Variants in PCDH9 observed in about 807,000 individuals in gnomAD.
PCDH9 encodes protocadherin-9.
In PCDH9, 24 loss-of-function variants were observed where a neutral mutation model predicts 70.6. That is an observed-to-expected ratio of 0.34 (90% confidence interval 0.25 to 0.48). PCDH9 has a LOEUF of 0.48. PCDH9 is among the 20% of genes least tolerant of loss of function. The probability of loss-of-function intolerance (pLI) is 0.99; values close to 1 mark genes in which losing one functional copy is unlikely to be tolerated. For synonymous variants in PCDH9, 562 were observed against 558.5 expected (o/e 1.01, Z -0.09); for missense variants, 1,281 against 1,503.6 (o/e 0.85, Z 2.45).
intron 2 of PCDH9, among the ~76,000 whole-genome samples, chr13:67,123,832 G>A (rs2086922470): frequency 6.6e-6 from 1 of 151,642 alleles, no homozygotes. Flanking sequence ...AAAACACCTT[G>A]TCACAGTAGA....
chr13:67,114,390 C>G (rs144252847), intron 2 of PCDH9, among the ~76,000 whole-genome samples: 1 of 152,088 alleles, frequency 6.6e-6, no homozygotes, highest in Non-Finnish European at 1.5e-5. Flanking sequence ...TCCACTGAGA[C>G]TATATGAAGT....
intron 4 of PCDH9, among the ~76,000 whole-genome samples, chr13:66,472,309 C>T (rs1029444395): frequency 6.6e-6 from 1 of 151,944 alleles, no homozygotes; most frequent in Non-Finnish European, 1.5e-5. Flanking sequence ...GTTGCTCGTG[C>T]CTGCAATCCC....
intron 4 of PCDH9, among the ~76,000 whole-genome samples, chr13:66,437,339 G>A (rs913047026): frequency 7.0e-6 from 1 of 143,544 alleles, no homozygotes; most frequent in Non-Finnish European, 1.5e-5. Flanking sequence ...CCCGGGAGGC[G>A]AGCTTGCGTG....
intron 2 of PCDH9, among the ~76,000 whole-genome samples, chr13:66,951,828 G>T (rs564790357): frequency 6.6e-6 from 1 of 152,202 alleles, no homozygotes; most frequent in African/African-American, 2.4e-5. Flanking sequence ...ATTCCTTTTT[G>T]TATGTAGATA....
intron 4 of PCDH9, among the ~76,000 whole-genome samples, chr13:66,345,830 C>T (rs951184973): frequency 3.3e-5 from 5 of 152,142 alleles, no homozygotes; most frequent in Admixed American, 1.3e-4. Context: ...TAAAGCAGAA[C>T]AGGCTGACTT....
intron 4 of PCDH9, among the ~76,000 whole-genome samples, chr13:66,411,813 T>C (rs1166852856): frequency 6.6e-6 from 1 of 152,190 alleles, no homozygotes; most frequent in Non-Finnish European, 1.5e-5. Flanking sequence ...CCTGAAGGTT[T>C]ATATGTCAAT....
At chr13:66,923,925 G>T (rs1469629923) in intron 2 of PCDH9, among the ~76,000 whole-genome samples, 1 of 151,602 alleles carries the variant, frequency 6.6e-6, no homozygotes, top group Non-Finnish European at 1.5e-5. Context: ...ATACTAATGA[G>T]GTTTAATACT....
At chr13:66,409,890 C>A (rs1290785715) in intron 4 of PCDH9, among the ~76,000 whole-genome samples, 2 of 152,090 alleles carry the variant, frequency 1.3e-5, no homozygotes, top group African/African-American at 4.8e-5. Flanking sequence ...GACAGATATG[C>A]CTACTCCACA....
intron 4 of PCDH9, among the ~76,000 whole-genome samples, chr13:66,352,855 GATTGTC>G (rs897140992): frequency 1.3e-5 from 2 of 152,180 alleles, no homozygotes; most frequent in Non-Finnish European, 2.9e-5. Context: ...AGTTGACACT[GATTGTC>G]ACGAACATCT....
At chr13:67,157,364 G>T (rs7324254) in intron 2 of PCDH9, among the ~76,000 whole-genome samples, 6 of 151,936 alleles carry the variant, frequency 3.9e-5, no homozygotes, top group African/African-American at 1.5e-4. Flanking sequence ...GTTAAAATTT[G>T]CATGCCTTTA....
At chr13:67,119,202 T>C in intron 2 of PCDH9, among the ~76,000 whole-genome samples, 1 of 152,156 alleles carries the variant, frequency 6.6e-6, no homozygotes, top group East Asian at 1.9e-4. Context: ...CTTGATTTTA[T>C]TGTTGTTGAA....
rs2080252269 is a variant in PCDH9, at chr13:66,796,961, G to GTAA, written c.3138+106542_3138+106543insTTA. On this transcript the variant is annotated intron_variant, in intron 3 of 4. Coordinates refer to ENST00000377865, the MANE Select transcript of PCDH9 (RefSeq NM_203487.3). ...GGTGAGCACTGGAGAAAAAAATTCT[G>GTAA]TGCAATGATTATAAGAGGTGAGAAA... Among the ~76,000 whole-genome samples, 10 of 152,188 alleles carry GTAA rather than the reference G, an allele frequency of 6.6e-5. No individual in the cohort carries two copies. In the South Asian group the frequency reaches 2.1e-3, roughly 32 times the overall value.
intron 4 of PCDH9, among the ~76,000 whole-genome samples, chr13:66,338,373 CT>C (rs1042130044): frequency 6.6e-6 from 1 of 151,802 alleles, no homozygotes; most frequent in African/African-American, 2.4e-5. Flanking sequence ...ATTAATTTAA[CT>C]TTTTTTGATA....
At chr13:66,480,713 G>A (rs1958820298) in intron 4 of PCDH9, among the ~76,000 whole-genome samples, 1 of 152,182 alleles carries the variant, frequency 6.6e-6, no homozygotes, top group Admixed American at 6.5e-5. Context: ...CTGTTGGTGG[G>A]AGTGTAAATT....
At chr13:66,312,044 A>T (rs1184783811) in intron 4 of PCDH9, among the ~76,000 whole-genome samples, 3 of 152,190 alleles carry the variant, frequency 2.0e-5, no homozygotes, top group Non-Finnish European at 4.4e-5. Flanking sequence ...AATCGATAGG[A>T]AAATCTCAAG....
chr13:67,023,113 C>G (rs1298148266), intron 2 of PCDH9, among the ~76,000 whole-genome samples: 1 of 151,580 alleles, frequency 6.6e-6, no homozygotes, highest in East Asian at 1.9e-4. Flanking sequence ...AATAACATTT[C>G]TTTTTCAGCA....
In PCDH9 at chr13:66,762,154, G is replaced by A. The variant is rs180933301; in HGVS notation, c.3139-130743C>T. Among the ~76,000 whole-genome samples the A allele has an allele frequency of 2.7e-3, 407 of 152,140 alleles. 3 individuals are homozygous for A. Among genetic ancestry groups the A allele is most frequent in the Middle Eastern group, 0.01 (3 of 294 alleles). On this transcript the variant is annotated intron_variant, in intron 3 of 4. Coordinates refer to ENST00000377865, the MANE Select transcript of PCDH9 (RefSeq NM_203487.3). Reference sequence around the variant, plus strand: ...TCAGAACCACCATGGTTGGTGCAGTGCGATGCTGGAATTCCATGGCTGCTG... The same window carrying A: ...TCAGAACCACCATGGTTGGTGCAGTACGATGCTGGAATTCCATGGCTGCTG...
intron 3 of PCDH9, among the ~76,000 whole-genome samples, chr13:66,634,655 C>T (rs1434712136): frequency 2.6e-5 from 4 of 152,012 alleles, no homozygotes; most frequent in Admixed American, 2.6e-4. Flanking sequence ...GATAGTGTTC[C>T]TGCTATGCAA....
chr13:66,998,692 C>T (rs2084173257), intron 2 of PCDH9, among the ~76,000 whole-genome samples: 1 of 152,186 alleles, frequency 6.6e-6, no homozygotes. Flanking sequence ...CTCACACATT[C>T]CTGCCAGTTG....
Sources: gnomAD v4.1 joint callset for allele counts (sites outside exome capture counted in the v4.1 genomes callset) on GRCh38, gnomAD v4.1.1 for gene constraint, MANE v1.5 for transcripts, NCBI Gene and HGNC (gene_info 2026-07-23, HGNC 2026-07-21) for gene names.